Variants in MYOM2 observed in about 807,000 individuals in gnomAD.
The protein encoded by MYOM2 is myomesin 2.
A neutral mutation model predicts 187.6 loss-of-function variants in MYOM2; 254 were observed. The observed-to-expected ratio is 1.35, with a 90% CI of 1.22 to 1.50. The LOEUF (loss-of-function observed/expected upper bound fraction) is 1.50, where lower values mean the gene tolerates loss of function less well. Ranked by LOEUF, MYOM2 falls within the 40% of genes most tolerant of loss-of-function variation. MYOM2 has a pLI of 0.00. For synonymous variants in MYOM2, 981 were observed against 753.8 expected, an observed-to-expected ratio of 1.30 and a Z score of -4.94; for missense variants, 2,796 against 1,924.0, an observed-to-expected ratio of 1.45 and a Z score of -8.48.
chr8:2,116,614 A>T (rs746720445), intron 27 of MYOM2, among the ~76,000 whole-genome samples: 26 of 152,220 alleles, frequency 1.7e-4, no homozygotes, highest in Admixed American at 1.0e-3. Flanking sequence ...TGCTCATTCT[A>T]CTTAAGATTG....
intron 18 of MYOM2, among the ~76,000 whole-genome samples, chr8:2,096,870 T>C (rs893759504): frequency 6.6e-6 from 1 of 152,198 alleles, no homozygotes; most frequent in African/African-American, 2.4e-5. Flanking sequence ...ATTCTTGTAT[T>C]TCAGGCCTCC....
chr8:2,108,663 C>CTT, intron 23 of MYOM2, 123 bp from the exon 24 acceptor site: 1 of 930,944 alleles, frequency 1.1e-6, no homozygotes. Context: ...GTTTAAATTC[C>CTT]TTTCGTGTCC....
intron 6 of MYOM2, among the ~76,000 whole-genome samples, chr8:2,067,925 AG>A (rs1013406325): frequency 1.3e-5 from 2 of 152,062 alleles, no homozygotes; most frequent in African/African-American, 4.8e-5. Context: ...GGAGCTGGGT[AG>A]GGTTGTAGAA....
chr8:2,056,293 T>A (rs2129328927), intron 3 of MYOM2, among the ~76,000 whole-genome samples: 1 of 152,218 alleles, frequency 6.6e-6, no homozygotes, highest in African/African-American at 2.4e-5. Flanking sequence ...GGCAGTGAGA[T>A]GTTTCTCACG....
chr8:2,058,708 C>T (rs531949245), intron 5 of MYOM2, among the ~76,000 whole-genome samples: 3 of 152,236 alleles, frequency 2.0e-5, no homozygotes, highest in Admixed American at 1.3e-4. Flanking sequence ...GCTCTTGATG[C>T]GGAGGTGCTG....
Position 2,098,468 on chromosome 8 carries a change from C to G in MYOM2, c.2314-389C>G, listed in dbSNP as rs561387661. 7.2e-5 allele frequency among the ~76,000 whole-genome samples: 11 copies of G among 152,262 alleles called. No individual in the cohort carries two copies. The South Asian group carries it at 2.3e-3, about 32-fold the overall frequency. On this transcript the variant is annotated intron_variant, in intron 18 of 36. Coordinates refer to ENST00000262113, the MANE Select transcript of MYOM2 (RefSeq NM_003970.4). ...CCTTGGGTGCAGGGCAGGGCCCGCT[C>G]AGGGGACAGTGCGTGGCCTGAGTGC...
rs1798424489 is a variant in MYOM2, at chr8:2,145,329, C to A, written c.*348C>A. 2 of 365,330 alleles carry A rather than the reference C, an allele frequency of 5.5e-6. No individual in the cohort carries two copies. Among genetic ancestry groups the A allele is most frequent in the African/African-American group, 2.1e-5 (1 of 47,084 alleles). The allele number at this position is 365,330 out of a possible 1,614,324, so 22.6% of individuals were successfully genotyped here. The stretch of plus-strand genomic sequence containing the variant: ...GCATGTGGCGGTCTGTGTGAAGCCA[C>A]CGTGCTTCTCTTTGGGGGGCCGCGA... On this transcript the variant is annotated 3_prime_UTR_variant, in exon 37 of 37. Coordinates refer to ENST00000262113, the MANE Select transcript of MYOM2 (RefSeq NM_003970.4).
intron 6 of MYOM2, among the ~76,000 whole-genome samples, chr8:2,064,396 T>C (rs1441506846): frequency 2.0e-5 from 3 of 152,142 alleles, no homozygotes; most frequent in Non-Finnish European, 2.9e-5. Flanking sequence ...ACCGTGGGGG[T>C]GACCGCGAGC....
At chr8:2,076,084 T>A (rs1324699318) in intron 10 of MYOM2, 57 bp from the exon 11 acceptor site, 2 of 1,544,154 alleles carry the variant, frequency 1.3e-6, no homozygotes, top group African/African-American at 2.7e-5. Flanking sequence ...AAACAGGCTT[T>A]GCAGTGACCC....
chr8:2,058,507 A>G lies in MYOM2; in HGVS notation c.561-646A>G, dbSNP rs147016862. Among the ~76,000 whole-genome samples, 205 of 152,332 alleles carry G rather than the reference A, an allele frequency of 1.3e-3. 3 individuals are homozygous for G. The highest frequency in any genetic ancestry group is 4.6e-3 in the African/African-American group (192 of 41,564). ...GATCTGCAGTTAATGAAGCTGTGGT[A>G]ATTGAAGAATTACATCTTTAAGCCC... On this transcript the variant is annotated intron_variant, in intron 5 of 36. Coordinates refer to ENST00000262113, the MANE Select transcript of MYOM2 (RefSeq NM_003970.4).
intron 14 of MYOM2, 109 bp from the exon 15 acceptor site, chr8:2,089,899 G>A (rs1036530540): frequency 2.6e-5 from 25 of 959,670 alleles, no homozygotes; most frequent in Admixed American, 7.8e-5. Context: ...CGCAGCGGGC[G>A]CGCCTGGTGG....
At position 2,100,830 on chromosome 8, in the gene MYOM2, T is replaced by C. The variant is rs748197485; in HGVS notation, c.2441-46T>C. 13 of 1,604,342 alleles carry C rather than the reference T, an allele frequency of 8.1e-6. No individual in the cohort carries two copies. In the East Asian group the frequency reaches 2.9e-4, roughly 36 times the overall value. On this transcript the variant is annotated intron_variant, in intron 19 of 36. Transcript: ENST00000262113. Reference sequence around the variant, plus strand: ...GGGCTGGGTTGGGCGGTGGGTGTGCTGGACTGGCTATGCGCGCAGAAACAA... The same window carrying C: ...GGGCTGGGTTGGGCGGTGGGTGTGCCGGACTGGCTATGCGCGCAGAAACAA...
chr8:2,128,353 C>T (rs1334380484), intron 31 of MYOM2, among the ~76,000 whole-genome samples: 3 of 152,212 alleles, frequency 2.0e-5, no homozygotes, highest in East Asian at 3.8e-4. Context: ...GTTACACTAT[C>T]CTCCACAACA....
chr8:2,132,100 A>G lies in MYOM2; in HGVS notation c.3800+2868A>G, dbSNP rs151167106. Among the ~76,000 whole-genome samples the G allele has an allele frequency of 2.4e-3, 366 of 152,292 alleles. 2 individuals are homozygous for G. Among genetic ancestry groups the G allele is most frequent in the African/African-American group, 7.9e-3 (329 of 41,556 alleles). On this transcript the variant is annotated intron_variant, in intron 32 of 36. Coordinates refer to ENST00000262113, the MANE Select transcript of MYOM2 (RefSeq NM_003970.4). ...TGCGTTCTTATTAGATAGCAACTGG[A>G]AAAAAAGAATAATAAGAAAATTAGT...
chr8:2,133,702 C>G (rs1456508113), intron 32 of MYOM2, among the ~76,000 whole-genome samples: 1 of 152,192 alleles, frequency 6.6e-6, no homozygotes, highest in Non-Finnish European at 1.5e-5. Context: ...CTCAGGTGAT[C>G]CACCTGCCTC....
chr8:2,092,998 C>T (rs1796361915), intron 16 of MYOM2, among the ~76,000 whole-genome samples: 1 of 152,134 alleles, frequency 6.6e-6, no homozygotes. Context: ...GGTTGCTTTG[C>T]AGGGGAAAGC....
intron 10 of MYOM2, 32 bp from the exon 11 acceptor site, chr8:2,076,109 C>G (rs747906500): frequency 6.3e-7 from 1 of 1,595,400 alleles, no homozygotes; most frequent in South Asian, 1.1e-5. Flanking sequence ...CTTTAAATGA[C>G]AGGCGTGTGC....
At chr8:2,064,850 C>A (rs1470682574) in intron 6 of MYOM2, among the ~76,000 whole-genome samples, 1 of 152,204 alleles carries the variant, frequency 6.6e-6, no homozygotes, top group African/African-American at 2.4e-5. Flanking sequence ...GGTTTATCCC[C>A]TTCCTGTACC....
chr8:2,098,077 A>G (rs760176468), intron 18 of MYOM2: 3 of 152,180 alleles, frequency 2.0e-5, no homozygotes, highest in African/African-American at 7.2e-5. Context: ...ACTCAGCACA[A>G]CAGTTCTTTA....
Sources: gnomAD v4.1 joint callset for allele counts (sites outside exome capture counted in the v4.1 genomes callset) on GRCh38, gnomAD v4.1.1 for gene constraint, MANE v1.5 for transcripts, NCBI Gene and HGNC (gene_info 2026-07-23, HGNC 2026-07-21) for gene names.